SIAE: variants seen among roughly 807,000 people sequenced by gnomAD.
SIAE encodes sialate O-acetylesterase.
Under a neutral mutation model 52.6 loss-of-function variants are expected in SIAE, and 39 were observed. The observed-to-expected ratio is 0.74, with a 90% CI of 0.57 to 0.97. The LOEUF is 0.97. Among genes scored for constraint, SIAE ranks in the 50% least tolerant of loss-of-function variants. The probability of loss-of-function intolerance (pLI) is 0.00; values close to 1 mark genes in which losing one functional copy is unlikely to be tolerated. For missense variants in SIAE, 592 were observed against 662.1 expected, an observed-to-expected ratio of 0.89 and a Z score of 1.16; for synonymous variants, 233 against 241.4, an observed-to-expected ratio of 0.97 and a Z score of 0.32.
At chr11:124,668,418 T>C (rs1301674187) in intron 2 of SIAE, among the ~76,000 whole-genome samples, 2 of 152,332 alleles carry the variant, frequency 1.3e-5, no homozygotes, top group African/African-American at 4.8e-5. Context: ...AGAGGACATA[T>C]CTGTTTTACT....
At chr11:124,657,778 T>C (rs761252929) in intron 3 of SIAE, among the ~76,000 whole-genome samples, 1 of 152,174 alleles carries the variant, frequency 6.6e-6, no homozygotes, top group Non-Finnish European at 1.5e-5. Flanking sequence ...ACTTCAGAAA[T>C]TGGTATCCTT....
At chr11:124,675,242 C>T, upstream of SIAE, 1 of 1,606,048 alleles carries the variant, frequency 6.2e-7, no homozygotes, top group Non-Finnish European at 8.5e-7. Flanking sequence ...CTTTAGGTTC[C>T]ATAGGCAGTT....
rs977413887 is a variant in SIAE at position 124,645,875 on chromosome 11, T to G, written c.966+1490A>C. On this transcript the variant is annotated intron_variant, in intron 7 of 9. Coordinates refer to ENST00000263593, the MANE Select transcript of SIAE (RefSeq NM_170601.5). This position sits in a 1 kb window ranked among gnomAD's most constrained non-coding sequence, Gnocchi z 4.7. ...AGAAAGAAAATAATCATAAAGGCAT[T>G]TTAAGTGAGAAGGTCTATACAAATA... is the stretch of plus-strand genomic sequence containing the variant. Among the ~76,000 whole-genome samples the G allele has an allele frequency of 6.6e-6, 1 of 152,082 alleles. No individual in the cohort carries two copies. Among genetic ancestry groups the G allele is most frequent in the African/African-American group, 2.4e-5 (1 of 41,408 alleles).
At chr11:124,660,175 A>T in intron 3 of SIAE, 1 of 228,708 alleles carries the variant, frequency 4.4e-6, no homozygotes, top group South Asian at 5.7e-5. Context: ...CTGTAATCCC[A>T]GCTACTTGGG....
At chr11:124,653,895 G>A (rs1408806552) in intron 4 of SIAE, among the ~76,000 whole-genome samples, 1 of 152,108 alleles carries the variant, frequency 6.6e-6, no homozygotes, top group Non-Finnish European at 1.5e-5. Flanking sequence ...GAAATGGAGA[G>A]TGGCCGGGTG....
chr11:124,633,748 A>C lies in SIAE; in HGVS notation c.*3203T>G, dbSNP rs1309816754. Reference sequence around the variant, plus strand: ...AGGGGACTGCTTAAAATGTTAATGCAGTGTTTTTCTTTTTTTCTCTGCATA... The same window carrying C: ...AGGGGACTGCTTAAAATGTTAATGCCGTGTTTTTCTTTTTTTCTCTGCATA... On this transcript the variant is annotated 3_prime_UTR_variant, in exon 10 of 10. Transcript: ENST00000263593. 6.6e-6 allele frequency: 1 copy of C among 152,212 alleles called. No individual in the cohort carries two copies. The highest frequency in any genetic ancestry group is 2.4e-5 in the African/African-American group (1 of 41,444). The allele number at this position is 152,212 out of a possible 1,614,324, so 9.4% of individuals were successfully genotyped here.
chr11:124,671,627 G>A (rs1362142599), intron 1 of SIAE, among the ~76,000 whole-genome samples: 1 of 152,062 alleles, frequency 6.6e-6, no homozygotes, highest in Non-Finnish European at 1.5e-5. Context: ...TAAATTCTAA[G>A]TTCATTAGAG....
chr11:124,639,767 G>C lies in SIAE; in HGVS notation c.1067C>G (p.Pro356Arg). 1 of 1,614,120 alleles carries C rather than the reference G, an allele frequency of 6.2e-7. No individual in the cohort carries two copies. Among genetic ancestry groups the C allele is most frequent in the Non-Finnish European group, 8.5e-7 (1 of 1,180,028 alleles). Residue 356 changes from proline (P) to arginine (R), a missense_variant, in exon 8 of 10, where the codon CCC becomes CGC. Transcript: ENST00000263593. Reference protein sequence around the residue: ...DFGYVPNPKMPNTFMAVAMDL... With the variant: ...DFGYVPNPKMRNTFMAVAMDL... ...CATAGCTACAGCCATGAAAGTATTG[G>C]GCATCTTTGGGTTGGGGACATAGCC...
intron 2 of SIAE, 89 bp from the exon 3 acceptor site, chr11:124,660,892 C>T (rs1943178561): frequency 6.7e-7 from 1 of 1,486,512 alleles, no homozygotes; most frequent in South Asian, 1.1e-5. Flanking sequence ...TATTCCCAGC[C>T]TCTGTAATAA....
chr11:124,675,413 G>C (rs148627768), upstream of SIAE: 152 of 1,607,912 alleles, frequency 9.5e-5, no homozygotes, highest in East Asian at 3.4e-3. Flanking sequence ...CTAGAGAAAA[G>C]AGAGAGTAAG....
chr11:124,673,379 C>A (rs957192955), intron 1 of SIAE, among the ~76,000 whole-genome samples: 1 of 152,224 alleles, frequency 6.6e-6, no homozygotes, highest in African/African-American at 2.4e-5. Context: ...GGCCTCCCCA[C>A]TCAGACAAGC....
chr11:124,655,791 C>T (rs1370375855), intron 3 of SIAE, among the ~76,000 whole-genome samples: 1 of 152,098 alleles, frequency 6.6e-6, no homozygotes, highest in Admixed American at 6.5e-5. Flanking sequence ...TTGTTTATAG[C>T]CTACAAACAT....
rs771221234 is a variant in SIAE at position 124,669,357 on chromosome 11, T to C, written c.229+3A>G. ...TAGCTGAACGGAAGATGGGCTGCCT[T>C]ACCTTTCACACTGGTCACTTTCTTC... On this transcript the variant is annotated splice_donor_region_variant and intron_variant, in intron 2 of 9. Transcript: ENST00000263593. The C allele has an allele frequency of 4.3e-6, 7 of 1,614,018 alleles. No homozygotes were observed. The East Asian group carries it at 1.6e-4, about 36-fold the overall frequency.
intron 2 of SIAE, among the ~76,000 whole-genome samples, chr11:124,668,001 C>A (rs1188879623): frequency 2.0e-5 from 3 of 152,170 alleles, no homozygotes; most frequent in Non-Finnish European, 4.4e-5. Context: ...CACAGTGCTG[C>A]CACAGCGAAC....
rs1440214039 is a variant in SIAE, at chr11:124,636,055, AC to A, written c.*895del. 1 of 152,048 alleles carries A rather than the reference AC, an allele frequency of 6.6e-6. No homozygotes were observed. The highest frequency in any genetic ancestry group is 1.5e-5 in the Non-Finnish European group (1 of 67,994). 9.4% of individuals were successfully genotyped at this position (152,048 alleles called of 1,614,324 possible). On this transcript the variant is annotated 3_prime_UTR_variant, in exon 10 of 10. Transcript: ENST00000263593. ...TTAAAGAGCCTGAGATTTATATTTA[AC>A]TCGAACAACAGTTTGCCTCTGTTGC... is the stretch of plus-strand genomic sequence containing the variant.
chr11:124,673,769 C>A, upstream of SIAE: 1 of 1,582,856 alleles, frequency 6.3e-7, no homozygotes. Flanking sequence ...AGGGGCGGGG[C>A]CTGGGCGGGG....
chr11:124,647,476 G>T lies in SIAE; in HGVS notation c.855C>A (p.Asn285Lys). 6.2e-7 allele frequency: 1 copy of T among 1,614,158 alleles called. No individual in the cohort carries two copies. Among genetic ancestry groups the T allele is most frequent in the Non-Finnish European group, 8.5e-7 (1 of 1,180,012 alleles). The change falls in exon 7 of 10, where the codon AAC (asparagine) becomes AAA (lysine). Residue 285 changes from asparagine to lysine, a missense_variant. Transcript: ENST00000263593. ...GGAATGTGCAATTGTACAGATCCGT[G>T]TTATAATTTATATTGGACTCCCCTA... is the stretch of plus-strand genomic sequence containing the variant. ...WYQGESNINY[N>K]TDLYNCTFPA...
upstream of SIAE, chr11:124,673,983 A>G (rs1189768363): frequency 1.9e-6 from 1 of 524,340 alleles, no homozygotes; most frequent in Non-Finnish European, 3.4e-6. Context: ...CCTCTCCGAT[A>G]CCAAGACCTA....
rs754759590 is a variant in SIAE at position 124,638,671 on chromosome 11, A to G, written c.1191T>C (p.Tyr397=). 1.2e-6 allele frequency: 2 copies of G among 1,614,184 alleles called. No homozygotes were observed. The highest frequency in any genetic ancestry group is 1.1e-5 in the South Asian group (1 of 91,072). ...RLHLGARALA[Y]GEKNLTFEGP... ...CTTCAAAGGTCAAATTCTTCTCACC[A>G]TAAGCCAGAGCACGGGCCCCCAAAT... Residue 397 remains tyrosine (Y), a synonymous_variant, in exon 9 of 10, where the codon TAT becomes TAC. Transcript: ENST00000263593.
Sources: allele counts gnomAD v4.1 joint callset (sites outside exome capture counted in the v4.1 genomes callset), GRCh38; gene constraint gnomAD v4.1.1; non-coding constraint Gnocchi (gnomAD v3.1); transcripts MANE v1.5; gene names NCBI Gene and HGNC (gene_info 2026-07-23, HGNC 2026-07-21).